FBXL18: variants seen among roughly 807,000 people sequenced by gnomAD.
FBXL18 encodes F-box/LRR-repeat protein 18.
A neutral mutation model predicts 46.0 loss-of-function variants in FBXL18; 36 were observed. That is an observed-to-expected ratio of 0.78 (90% CI 0.60 to 1.03). The LOEUF (loss-of-function observed/expected upper bound fraction) is 1.03, where lower values mean the gene tolerates loss of function less well. Among genes scored for constraint, FBXL18 ranks in the 50% least tolerant of loss-of-function variants. The pLI, the probability that FBXL18 is intolerant of heterozygous loss-of-function variation, is 0.00. For synonymous variants in FBXL18, 557 were observed against 465.3 expected, an observed-to-expected ratio of 1.20 and a Z score of -2.54; for missense variants, 977 against 1,004.1, an observed-to-expected ratio of 0.97 and a Z score of 0.36.
At chr7:5,485,450 G>A (rs1309127038) in intron 4 of FBXL18, among the ~76,000 whole-genome samples, 2 of 152,172 alleles carry the variant, frequency 1.3e-5, no homozygotes, top group Non-Finnish European at 2.9e-5. Context: ...TTGGCGAGAT[G>A]TGCCTCTCTC....
rs1489319057 is a variant in FBXL18 at position 5,491,382 on chromosome 7, G to A, written c.1849C>T (p.Gln617Ter). ...CTGCGAGAGACCAGGCACAGGCGCT[G>A]CAGCGAGGGGCACTGGCTCAGCGCC... ...FQALSQCPSL[Q>*]RLCLVSRSGT... Residue 617 changes from glutamine to a stop codon, truncating the protein, a stop_gained, in exon 4 of 5, where the codon CAG becomes TAG. Coordinates refer to ENST00000382368, the MANE Select transcript of FBXL18 (RefSeq NM_024963.6). LOFTEE classifies it high-confidence loss of function. 1 of 1,607,742 alleles carries A rather than the reference G, an allele frequency of 6.2e-7. No individual in the cohort carries two copies. Among genetic ancestry groups the A allele is most frequent in the Non-Finnish European group, 8.5e-7 (1 of 1,178,152 alleles).
chr7:5,512,734 C>G (rs1235183443), intron 1 of FBXL18, among the ~76,000 whole-genome samples: 1 of 152,204 alleles, frequency 6.6e-6, no homozygotes, highest in Non-Finnish European at 1.5e-5. Flanking sequence ...TCATTTCAAT[C>G]TTATCAATCT....
rs1784076518 is a variant in FBXL18 at position 5,496,210 on chromosome 7, C to G, written c.1781+4278G>C. Among the ~76,000 whole-genome samples, 1 of 152,150 alleles carries G rather than the reference C, an allele frequency of 6.6e-6. No homozygotes were observed. Among genetic ancestry groups the G allele is most frequent in the Admixed American group, 6.6e-5 (1 of 15,262 alleles). Reference sequence around the variant, plus strand: ...AAGTGGGTACAACTGTGTCGACACTCAGAGGTTGTTGAGAATATCAAAGGG... The same window carrying G: ...AAGTGGGTACAACTGTGTCGACACTGAGAGGTTGTTGAGAATATCAAAGGG... On this transcript the variant is annotated intron_variant, in intron 3 of 4. Coordinates refer to ENST00000382368, the MANE Select transcript of FBXL18 (RefSeq NM_024963.6). The surrounding 1 kb of genome is among the most constrained non-coding windows in gnomAD (Gnocchi z 4.8).
At chr7:5,498,393 T>C (rs992274667) in intron 3 of FBXL18, among the ~76,000 whole-genome samples, 4 of 150,614 alleles carry the variant, frequency 2.7e-5, no homozygotes, top group African/African-American at 9.8e-5. Context: ...GCCGAGGCCA[T>C]TTTGATTTTT....
chr7:5,471,443 A>AT (rs1254711516), downstream of FBXL18, among the ~76,000 whole-genome samples: 1 of 152,014 alleles, frequency 6.6e-6, no homozygotes, highest in Admixed American at 6.6e-5. Context: ...CACCCAGTTA[A>AT]TTTTTTGTAT....
At chr7:5,497,986 C>G (rs1012292098) in intron 3 of FBXL18, among the ~76,000 whole-genome samples, 4 of 152,160 alleles carry the variant, frequency 2.6e-5, no homozygotes, top group African/African-American at 9.7e-5. Flanking sequence ...CATCTAAGCC[C>G]TGCCTCCACT....
chr7:5,487,301 T>C (rs1216204976), intron 4 of FBXL18, among the ~76,000 whole-genome samples: 3 of 152,208 alleles, frequency 2.0e-5, no homozygotes, highest in Non-Finnish European at 4.4e-5. Context: ...GGACGGGGCC[T>C]CTCCCACCTG....
chr7:5,467,118 A>C (rs1417987525), intron 4 of FBXL18, among the ~76,000 whole-genome samples: 2 of 152,066 alleles, frequency 1.3e-5, no homozygotes, highest in African/African-American at 4.8e-5. Context: ...TTGGGAGGCG[A>C]AGGCGGGCGG....
At chr7:5,460,288 T>C (rs547594894) in intron 4 of FBXL18, among the ~76,000 whole-genome samples, 39 of 152,162 alleles carry the variant, frequency 2.6e-4, no homozygotes, top group African/African-American at 8.9e-4. Flanking sequence ...GCCTGACACA[T>C]AGTGAAATAG....
chr7:5,472,333 G>A (rs1382059188), downstream of FBXL18, among the ~76,000 whole-genome samples: 3 of 152,148 alleles, frequency 2.0e-5, no homozygotes, highest in Admixed American at 2.0e-4. Flanking sequence ...TGGGGGGTCT[G>A]TGCCCCGTCT....
intron 1 of FBXL18, among the ~76,000 whole-genome samples, chr7:5,507,539 T>C (rs1784422256): frequency 6.6e-6 from 1 of 152,076 alleles, no homozygotes; most frequent in Non-Finnish European, 1.5e-5. Flanking sequence ...AATATTTTAA[T>C]AATTAGCAGA....
intron 2 of FBXL18, 133 bp downstream of exon 2, chr7:5,505,279 G>T (rs1038115591): frequency 8.8e-6 from 7 of 791,764 alleles, no homozygotes; most frequent in African/African-American, 1.7e-5. Context: ...GCATCCTGCA[G>T]ACGGCGCCAG....
At chr7:5,467,551 A>G (rs940026277) in intron 4 of FBXL18, among the ~76,000 whole-genome samples, 8 of 151,788 alleles carry the variant, frequency 5.3e-5, no homozygotes, top group Non-Finnish European at 1.0e-4. Context: ...GTCTCCAAAA[A>G]AAAAAAAAGA....
Position 5,496,800 on chromosome 7 carries a change from C to T in FBXL18, c.1781+3688G>A, listed in dbSNP as rs1365866130. 7.9e-5 allele frequency among the ~76,000 whole-genome samples: 12 copies of T among 151,848 alleles called. No individual in the cohort carries two copies. Among genetic ancestry groups the T allele is most frequent in the Non-Finnish European group, 1.5e-4 (10 of 67,954 alleles). On this transcript the variant is annotated intron_variant, in intron 3 of 4. Transcript: ENST00000382368. The surrounding 1 kb of genome is among the most constrained non-coding windows in gnomAD (Gnocchi z 4.8). ...CACCACTTTGGGAGGCCGAGGTGGGCGGATCACCTGAGGTCAGGAGTTCGA... is the reference window on the plus strand; with the variant it reads ...CACCACTTTGGGAGGCCGAGGTGGGTGGATCACCTGAGGTCAGGAGTTCGA...
chr7:5,474,113 G>A (rs1002888600), downstream of FBXL18, among the ~76,000 whole-genome samples: 1 of 152,036 alleles, frequency 6.6e-6, no homozygotes, highest in African/African-American at 2.4e-5. Flanking sequence ...CCACTTCTAT[G>A]GGGCACCCAG....
intron 1 of FBXL18, among the ~76,000 whole-genome samples, chr7:5,508,346 C>T (rs764505660): frequency 2.0e-5 from 3 of 151,008 alleles, no homozygotes; most frequent in Non-Finnish European, 4.4e-5. Context: ...ACTCAGGAGG[C>T]TGAGCAGAAT....
chr7:5,484,183 G>A (rs1783715678), intron 4 of FBXL18, among the ~76,000 whole-genome samples: 1 of 152,168 alleles, frequency 6.6e-6, no homozygotes, highest in Non-Finnish European at 1.5e-5. Context: ...AGGAGCTGCT[G>A]TCGGCTGGCC....
intron 1 of FBXL18, among the ~76,000 whole-genome samples, chr7:5,510,610 C>T (rs1375191532): frequency 6.8e-6 from 1 of 147,852 alleles, no homozygotes; most frequent in Non-Finnish European, 1.5e-5. Context: ...CACCTGAACC[C>T]GGGAAGTGGT....
intron 1 of FBXL18, among the ~76,000 whole-genome samples, chr7:5,512,245 AAAAAAAAAAAAG>A (rs1186878851): frequency 8.7e-6 from 1 of 115,566 alleles, no homozygotes; most frequent in African/African-American, 2.9e-5. Flanking sequence ...ACTCCGTCTC[AAAAAAAAAAAAG>A]AAAAAGAAAA....
Sources: gnomAD v4.1 joint callset for allele counts (sites outside exome capture counted in the v4.1 genomes callset) on GRCh38, gnomAD v4.1.1 for gene constraint, Gnocchi (gnomAD v3.1) non-coding constraint, MANE v1.5 for transcripts, NCBI Gene and HGNC (gene_info 2026-07-23, HGNC 2026-07-21) for gene names.